The following CNTNAP2 variants were observed in gnomAD, a reference collection of about 807,000 sequenced individuals.
The protein encoded by CNTNAP2 is contactin-associated protein-like 2.
CNTNAP2 carries 98 observed loss-of-function variants against 155.2 expected under a neutral mutation model. The ratio of observed to expected loss-of-function variants is 0.63; its 90% confidence interval spans 0.54 to 0.75. CNTNAP2 has a LOEUF of 0.75. Among genes scored for constraint, CNTNAP2 ranks in the 30% least tolerant of loss-of-function variants. The pLI is 0.00. For synonymous variants in CNTNAP2, 651 were observed against 631.2 expected (o/e 1.03, Z -0.47); for missense variants, 1,727 against 1,688.1 (o/e 1.02, Z -0.40).
intron 3 of CNTNAP2, among the ~76,000 whole-genome samples, chr7:146,895,835 T>A (rs1253644970): frequency 1.3e-5 from 2 of 152,084 alleles, no homozygotes; most frequent in East Asian, 3.9e-4. Context: ...TATTTTGAGC[T>A]TCAGTCCCCG....
intron 9 of CNTNAP2, among the ~76,000 whole-genome samples, chr7:147,369,668 G>T (rs1309321799): frequency 6.6e-6 from 1 of 152,148 alleles, no homozygotes; most frequent in African/African-American, 2.4e-5. Context: ...ATATGTAAAT[G>T]AGGGAACATA....
intron 8 of CNTNAP2, among the ~76,000 whole-genome samples, chr7:147,190,002 C>T (rs568174197): frequency 6.6e-6 from 1 of 152,198 alleles, no homozygotes; most frequent in African/African-American, 2.4e-5. Flanking sequence ...CCTCGGCCTC[C>T]CAAAGAGCTA....
At chr7:146,269,845 G>A (rs1008125203) in intron 1 of CNTNAP2, among the ~76,000 whole-genome samples, 1 of 152,246 alleles carries the variant, frequency 6.6e-6, no homozygotes, top group Non-Finnish European at 1.5e-5. Context: ...AGGATGAGAG[G>A]CAACCTGAAC....
chr7:146,196,300 A>G (rs989349314), intron 1 of CNTNAP2, among the ~76,000 whole-genome samples: 1 of 152,196 alleles, frequency 6.6e-6, no homozygotes, highest in African/African-American at 2.4e-5. Flanking sequence ...GCAAAATGGA[A>G]TGAAATGAAT....
At chr7:146,520,259 C>T (rs949867980) in intron 1 of CNTNAP2, among the ~76,000 whole-genome samples, 41 of 147,764 alleles carry the variant, frequency 2.8e-4, no homozygotes, top group Middle Eastern at 7.1e-3. Context: ...TTACAGTATT[C>T]GGGCATTGTT....
chr7:148,062,028 A>AGAGTGT (rs1388530831), intron 15 of CNTNAP2, among the ~76,000 whole-genome samples: 20 of 106,016 alleles, frequency 1.9e-4, no homozygotes, highest in South Asian at 1.7e-3. Context: ...AGAGAGAGAG[A>AGAGTGT]GTGTGTGTGT....
At chr7:147,282,020 T>G (rs1805046745) in intron 8 of CNTNAP2, among the ~76,000 whole-genome samples, 1 of 151,840 alleles carries the variant, frequency 6.6e-6, no homozygotes, top group African/African-American at 2.4e-5. Context: ...GGAGGGAGGT[T>G]AGAAGCCAAT....
intron 11 of CNTNAP2, among the ~76,000 whole-genome samples, chr7:147,486,776 G>A (rs532983865): frequency 7.9e-5 from 12 of 151,928 alleles, no homozygotes; most frequent in Non-Finnish European, 1.6e-4. Context: ...ATAATGCATC[G>A]CCATTTGCAG....
intron 12 of CNTNAP2, among the ~76,000 whole-genome samples, chr7:147,600,400 G>T (rs192882091): frequency 6.6e-6 from 1 of 152,294 alleles, no homozygotes; most frequent in African/African-American, 2.4e-5. Context: ...ATTCAACTCT[G>T]CCTTTGTAGT....
chr7:147,301,078 G>T (rs1794937499), intron 9 of CNTNAP2, among the ~76,000 whole-genome samples: 1 of 152,114 alleles, frequency 6.6e-6, no homozygotes, highest in Non-Finnish European at 1.5e-5. Context: ...TTAAAGGAAG[G>T]GGATTTCACA....
At chr7:146,223,134 T>G (rs560718880) in intron 1 of CNTNAP2, among the ~76,000 whole-genome samples, 2 of 152,242 alleles carry the variant, frequency 1.3e-5, no homozygotes, top group South Asian at 2.1e-4. Flanking sequence ...TTGAGCTATA[T>G]CCCATTGTGA....
chr7:148,378,022 G>T lies in CNTNAP2; in HGVS notation c.3476-5627G>T, dbSNP rs1244791437. 5.9e-5 allele frequency among the ~76,000 whole-genome samples: 4 copies of T among 68,062 alleles called. 2 individuals are homozygous for T. The highest frequency in any genetic ancestry group is 1.4e-4 in the African/African-American group (4 of 27,796). The allele number at this position is 68,062 out of a possible 152,430, so 44.7% of individuals were successfully genotyped here. On this transcript the variant is annotated intron_variant, in intron 21 of 23. Coordinates refer to ENST00000361727, the MANE Select transcript of CNTNAP2 (RefSeq NM_014141.6). ...GGTTACGTGTATTTAATGCATTTTT[G>T]ATTTACAATATTCCCACCTTACGAT... is the stretch of plus-strand genomic sequence containing the variant.
At chr7:146,447,387 T>C (rs1037788056) in intron 1 of CNTNAP2, among the ~76,000 whole-genome samples, 6 of 152,080 alleles carry the variant, frequency 3.9e-5, no homozygotes, top group African/African-American at 1.4e-4. Context: ...GCATTAGTAT[T>C]TGCCAAATTA....
At chr7:147,493,919 C>A (rs998627251) in intron 11 of CNTNAP2, among the ~76,000 whole-genome samples, 2 of 152,114 alleles carry the variant, frequency 1.3e-5, no homozygotes, top group African/African-American at 4.8e-5. Context: ...TGAGGTGATG[C>A]AACTTCAGCA....
intron 13 of CNTNAP2, among the ~76,000 whole-genome samples, chr7:147,782,192 G>A (rs115431445): frequency 5.9e-4 from 90 of 152,180 alleles, no homozygotes; most frequent in African/African-American, 1.9e-3. Context: ...AAATTACTAC[G>A]AAACATTTGA....
In CNTNAP2 at chr7:146,172,455, G is replaced by A. The variant is rs1034483716; in HGVS notation, c.97+55482G>A. Among the ~76,000 whole-genome samples, 3 of 152,008 alleles carry A rather than the reference G, an allele frequency of 2.0e-5. No homozygotes were observed. The South Asian group carries it at 6.2e-4, about 32-fold the overall frequency. ...CATACACTGCGCAGCCACCTTAGTG[G>A]TCCAGATTTCTCTACATTCCAAAAA... On this transcript the variant is annotated intron_variant, in intron 1 of 23. Coordinates refer to ENST00000361727, the MANE Select transcript of CNTNAP2 (RefSeq NM_014141.6).
intron 6 of CNTNAP2, among the ~76,000 whole-genome samples, chr7:147,127,470 A>T (rs1011671367): frequency 6.6e-6 from 1 of 152,112 alleles, no homozygotes; most frequent in Non-Finnish European, 1.5e-5. Flanking sequence ...ACACTAAATC[A>T]TAGAACATAA....
intron 15 of CNTNAP2, among the ~76,000 whole-genome samples, chr7:147,985,686 T>G (rs1383137052): frequency 1.3e-5 from 2 of 152,188 alleles, no homozygotes; most frequent in Admixed American, 1.3e-4. Context: ...AGTGTACTTC[T>G]TAAAAGTAAA....
At chr7:146,878,695 C>G (rs1011062376) in intron 3 of CNTNAP2, among the ~76,000 whole-genome samples, 1 of 152,056 alleles carries the variant, frequency 6.6e-6, no homozygotes, top group South Asian at 2.1e-4. Context: ...CTCCCCTGCC[C>G]TCACTCCACT....
Sources: gnomAD v4.1 joint callset for allele counts (sites outside exome capture counted in the v4.1 genomes callset) on GRCh38, gnomAD v4.1.1 for gene constraint, MANE v1.5 for transcripts, NCBI Gene and HGNC (gene_info 2026-07-23, HGNC 2026-07-21) for gene names.